MUC4: variants seen among roughly 807,000 people sequenced by gnomAD.
The protein encoded by MUC4 is mucin 4, cell surface associated.
Under a neutral mutation model 257.9 loss-of-function variants are expected in MUC4, and 202 were observed. That is an observed-to-expected ratio of 0.78 (90% CI 0.70 to 0.88). The LOEUF (loss-of-function observed/expected upper bound fraction) is 0.88. MUC4 is among the 40% of genes least tolerant of loss of function. MUC4 has a pLI of 0.00. For synonymous variants in MUC4, 2,351 were observed against 2,757.1 expected (o/e 0.85, Z 4.62); for missense variants, 5,976 against 6,513.7 (o/e 0.92, Z 2.84).
rs766207409 is a variant in MUC4 at position 195,762,079 on chromosome 3, G to A, written c.14512+8C>T. ...GGAGCCTCAGAGGCAGGTCCGAGCC[G>A]CCCTCACCCAGGAGCCCCTCCGTGC... On this transcript the variant is annotated splice_region_variant and intron_variant, in intron 14 of 24. Transcript: ENST00000463781. The A allele has an allele frequency of 9.5e-6, 15 of 1,581,442 alleles. No homozygotes were observed. Among genetic ancestry groups the A allele is most frequent in the Non-Finnish European group, 1.1e-5 (13 of 1,168,764 alleles).
chr3:195,806,961 C>A (rs1247092184), intron 1 of MUC4, among the ~76,000 whole-genome samples: 1 of 152,208 alleles, frequency 6.6e-6, no homozygotes, highest in Non-Finnish European at 1.5e-5. Flanking sequence ...GGAACCTAAA[C>A]TGCAACCTGG....
intron 1 of MUC4, among the ~76,000 whole-genome samples, chr3:195,805,241 T>C (rs1735830772): frequency 6.6e-6 from 1 of 152,092 alleles, no homozygotes; most frequent in Non-Finnish European, 1.5e-5. Flanking sequence ...CCCCAACCCA[T>C]GGATCCCACC....
At chr3:195,778,492 C>G in intron 2 of MUC4, 37 bp from the exon 3 acceptor site, 1 of 1,604,122 alleles carries the variant, frequency 6.2e-7, no homozygotes. Flanking sequence ...GTGTTTCTTA[C>G]AGTAACAAAA....
chr3:195,774,325 A>G lies in MUC4; in HGVS notation c.12944-20T>C. On this transcript the variant is annotated intron_variant, in intron 3 of 24. Transcript: ENST00000463781. ...AAACTCCTGGGCCAGGACAGAGAAGAGCAGGAAGTCCAAGTGGGCCTGGGC... is the reference window on the plus strand; with the variant it reads ...AAACTCCTGGGCCAGGACAGAGAAGGGCAGGAAGTCCAAGTGGGCCTGGGC... 1 of 1,502,126 alleles carries G rather than the reference A, an allele frequency of 6.7e-7. No homozygotes were observed. 93.0% of individuals were successfully genotyped at this position (1,502,126 alleles called of 1,614,324 possible).
Position 195,779,027 on chromosome 3 carries a change from C to G in MUC4, c.12553G>C (p.Ala4185Pro). The part of the protein sequence containing the change: ...TPLPVTSTSS[A>P]STGDTTPLPV... Reference sequence around the variant, plus strand: ...AGAGGGGTGGTGTCACCTGTGGATGCTGAGGAAGTGCTGGTGACAGGAAGA... The same window carrying G: ...AGAGGGGTGGTGTCACCTGTGGATGGTGAGGAAGTGCTGGTGACAGGAAGA... Residue 4185 changes from alanine to proline, a missense_variant, in exon 2 of 25, where the codon GCA (alanine) becomes CCA (proline). Physicochemically the swap from Ala to Pro is conservative, Grantham distance 27. Transcript: ENST00000463781. The G allele has an allele frequency of 7.4e-7, 1 of 1,358,108 alleles. No individual in the cohort carries two copies. The highest frequency in any genetic ancestry group is 1.4e-5 in the South Asian group (1 of 70,690). The allele number at this position is 1,358,108 out of a possible 1,614,324, so 84.1% of individuals were successfully genotyped here. A position where few individuals can be genotyped will look rare whatever the true frequency, so the allele number is the denominator to read the frequency against.
chr3:195,750,552 G>A (rs1215998332), intron 23 of MUC4: 6 of 388,712 alleles, frequency 1.5e-5, no homozygotes, highest in African/African-American at 8.3e-5. Context: ...GAGCAGAGAC[G>A]ATGGGGGTGT....
rs977056684 is a variant in MUC4 at position 195,765,129 on chromosome 3, C to T, written c.13799-7G>A. The T allele has an allele frequency of 6.2e-7, 1 of 1,611,070 alleles. No individual in the cohort carries two copies. The highest frequency in any genetic ancestry group is 1.3e-5 in the African/African-American group (1 of 74,868). On this transcript the variant is annotated splice_polypyrimidine_tract_variant and splice_region_variant and intron_variant, in intron 9 of 24. Transcript: ENST00000463781. ...CTGCCGAGGCCCCAGCGACCTGAAA[C>T]AAGTCCAGTCCCACTCAGGCCCAGG...
In MUC4 at chr3:195,782,149, G is replaced by T. The variant is rs1728447016; in HGVS notation, c.9431C>A (p.Ser3144Ter). 5.2e-6 allele frequency: 7 copies of T among 1,358,724 alleles called. No homozygotes were observed. The highest frequency in any genetic ancestry group is 6.8e-6 in the Non-Finnish European group (7 of 1,033,854). 84.2% of individuals were successfully genotyped at this position (1,358,724 alleles called of 1,614,324 possible). ...AGGGGTGGTGTCACCTGTGGATGCT[G>T]AGGAAGTGCTGGTGACAGGAAGAGC... ...ATALPVTSTS[S>*]ASTGDTTPLP... The change falls in exon 2 of 25, where the codon TCA becomes TAA. Residue 3144 changes from serine to a stop codon, truncating the protein, a stop_gained. Transcript: ENST00000463781. LOFTEE classifies it high-confidence loss of function.
chr3:195,765,290 C>T lies in MUC4; in HGVS notation c.13778G>A (p.Arg4593Gln), dbSNP rs372065699. 14 of 1,612,904 alleles carry T rather than the reference C, an allele frequency of 8.7e-6. No individual in the cohort carries two copies. Among genetic ancestry groups the T allele is most frequent in the South Asian group, 2.2e-5 (2 of 90,906 alleles). ...GTCACCTATGCTGACGGGTTGGAATCGTAAGTCCCGTCGTCCCTGCTGCCA... is the reference window on the plus strand; with the variant it reads ...GTCACCTATGCTGACGGGTTGGAATTGTAAGTCCCGTCGTCCCTGCTGCCA... ...CSWQQGRRDL[R>Q]FQPVSIGRWG... The change falls in exon 9 of 25, where the codon CGA (arginine) becomes CAA (glutamine). Residue 4593 changes from arginine (R) to glutamine (Q), a missense_variant. Arg to Gln is a conservative substitution (Grantham distance 43). Around this residue, in one of 44 missense-constraint regions of MUC4, gnomAD observed 996 missense variants for 1,137.3 expected, o/e 0.88. Coordinates refer to ENST00000463781, the MANE Select transcript of MUC4 (RefSeq NM_018406.7).
intron 1 of MUC4, among the ~76,000 whole-genome samples, chr3:195,792,973 C>T (rs1048562394): frequency 6.6e-6 from 1 of 151,958 alleles, no homozygotes; most frequent in Non-Finnish European, 1.5e-5. Flanking sequence ...CACACACTGG[C>T]GCCTGTCAGG....
intron 1 of MUC4, among the ~76,000 whole-genome samples, chr3:195,797,033 G>A (rs1440314990): frequency 1.3e-5 from 2 of 152,112 alleles, no homozygotes; most frequent in Non-Finnish European, 2.9e-5. Flanking sequence ...ACTTGAGGCC[G>A]GGAGTTCCAG....
At chr3:195,798,574 G>C (rs1220949922) in intron 1 of MUC4, among the ~76,000 whole-genome samples, 21 of 151,492 alleles carry the variant, frequency 1.4e-4, no homozygotes, top group East Asian at 2.0e-4. Flanking sequence ...CGTGGTGGCG[G>C]GCGCCTGTAG....
chr3:195,773,087 G>A (rs1181863810), intron 4 of MUC4, among the ~76,000 whole-genome samples: 2 of 131,146 alleles, frequency 1.5e-5, no homozygotes, highest in African/African-American at 6.0e-5. Context: ...CTATCGTTCG[G>A]GGTGTAGACA....
At position 195,784,961 on chromosome 3, in the gene MUC4, T is replaced by C; in HGVS notation, c.6619A>G (p.Thr2207Ala). The C allele has an allele frequency of 7.8e-7, 1 of 1,275,376 alleles. No individual in the cohort carries two copies. Among genetic ancestry groups the C allele is most frequent in the African/African-American group, 1.5e-5 (1 of 67,336 alleles). 79.0% of individuals were successfully genotyped at this position (1,275,376 alleles called of 1,614,324 possible). A position where few individuals can be genotyped will look rare whatever the true frequency, so the allele number is the denominator to read the frequency against. The change falls in exon 2 of 25, where the codon ACC becomes GCC. Residue 2207 changes from threonine (T) to alanine (A), a missense_variant. By Grantham distance (58) the Thr-to-Ala change is moderately conservative (BLOSUM62 0). Around this residue, in one of 44 missense-constraint regions of MUC4, gnomAD observed 85 missense variants for 325.0 expected, o/e 0.26. Coordinates refer to ENST00000463781, the MANE Select transcript of MUC4 (RefSeq NM_018406.7). ...DTSSASTGQATPLPVTSPSSA... is the reference protein window; with the variant it reads ...DTSSASTGQAAPLPVTSPSSA... ...GAAGGGCTGGTGACAGGAAGAGGGG[T>C]GGCCTGACCTGTGGATGCTGAGGAA...
rs774278772 is a variant in MUC4 at position 195,788,695 on chromosome 3, G to C, written c.2885C>G (p.Ser962Cys). Residue 962 changes from serine to cysteine, a missense_variant, in exon 2 of 25, where the codon TCT (serine) becomes TGT (cysteine). Coordinates refer to ENST00000463781, the MANE Select transcript of MUC4 (RefSeq NM_018406.7). ...TETHTLSPSG[S>C]GKTFTTALIS... Reference sequence around the variant, plus strand: ...GAGGGCCGTGGTGAAGGTTTTACCAGACCCTGAAGGTGACAGAGTGTGGGT... The same window carrying C: ...GAGGGCCGTGGTGAAGGTTTTACCACACCCTGAAGGTGACAGAGTGTGGGT... The C allele has an allele frequency of 1.2e-6, 2 of 1,612,740 alleles. No homozygotes were observed. Among genetic ancestry groups the C allele is most frequent in the South Asian group, 1.1e-5 (1 of 90,996 alleles).
At position 195,780,611 on chromosome 3, in the gene MUC4, C is replaced by T. The variant is rs1189235000; in HGVS notation, c.10969G>A (p.Val3657Ile). 6.9e-7 allele frequency: 1 copy of T among 1,453,858 alleles called. No homozygotes were observed. Among genetic ancestry groups the T allele is most frequent in the Non-Finnish European group, 9.1e-7 (1 of 1,102,374 alleles). 90.1% of individuals were successfully genotyped at this position (1,453,858 alleles called of 1,614,324 possible). The change falls in exon 2 of 25, where the codon GTA (valine) becomes ATA (isoleucine). Residue 3657 changes from valine to isoleucine, a missense_variant. Val to Ile is a conservative substitution (Grantham distance 29, BLOSUM62 3). Around this residue, in one of 44 missense-constraint regions of MUC4, gnomAD observed 59 missense variants for 149.8 expected, o/e 0.39. Transcript: ENST00000463781. ...AGAGGGGTGGCGTGACCTGTGGATA[C>T]TGAGGAAGCGTCGGTGACAAGAAGA... ...TPLLVTDASS[V>I]STGHATPLPV...
At chr3:195,776,027 A>G (rs1269309019) in intron 3 of MUC4, among the ~76,000 whole-genome samples, 1 of 38,862 alleles carries the variant, frequency 2.6e-5, no homozygotes. Context: ...TTCCACATCC[A>G]TACCTTCCAC....
intron 7 of MUC4, among the ~76,000 whole-genome samples, chr3:195,768,720 CGAT>C (rs1722154715): frequency 6.6e-6 from 1 of 152,062 alleles, no homozygotes; most frequent in African/African-American, 2.4e-5. Context: ...GTTATTATCA[CGAT>C]ATTTGAGAAG....
chr3:195,788,759 A>T lies in MUC4; in HGVS notation c.2821T>A (p.Ser941Thr), dbSNP rs777496159. Residue 941 changes from serine to threonine, a missense_variant, in exon 2 of 25, where the codon TCG becomes ACG. By Grantham distance (58) the Ser-to-Thr change is moderately conservative. Transcript: ENST00000463781. ...GATGTAAGCCCAGTGGATGTGATCG[A>T]TGGAGGTGTGGGTGGGACTGTTGAG... The part of the protein sequence containing the change: ...TFSTVPPTPP[S>T]ITSTGLTSPQ... 3.7e-6 allele frequency: 6 copies of T among 1,613,652 alleles called. No individual in the cohort carries two copies. The highest frequency in any genetic ancestry group is 2.2e-5 in the South Asian group (2 of 91,074).
Sources: gnomAD v4.1 joint callset for allele counts (sites outside exome capture counted in the v4.1 genomes callset) on GRCh38, gnomAD v4.1.1 for gene constraint, gnomAD v4.1.1 regional missense constraint, MANE v1.5 for transcripts, NCBI Gene and HGNC (gene_info 2026-07-23, HGNC 2026-07-21) for gene names.